MCM6: variants seen among roughly 807,000 people sequenced by gnomAD.
MCM6 encodes the protein minichromosome maintenance complex component 6.
MCM6 carries 46 observed loss-of-function variants against 94.3 expected under a neutral mutation model. The ratio of observed to expected loss-of-function variants is 0.49; its 90% CI spans 0.39 to 0.62. MCM6 has a LOEUF of 0.62. Among genes scored for constraint, MCM6 ranks in the 20% least tolerant of loss-of-function variants. The pLI, the probability that MCM6 is intolerant of heterozygous loss-of-function variation, is 0.00. For synonymous variants in MCM6, 335 were observed against 351.9 expected (o/e 0.95, Z 0.54); for missense variants, 865 against 1,017.9 (o/e 0.85, Z 2.04).
chr2:135,847,234 C>A (rs889590403), intron 14 of MCM6, among the ~76,000 whole-genome samples: 2 of 151,956 alleles, frequency 1.3e-5, no homozygotes, highest in African/African-American at 4.8e-5. Context: ...GGCAATATGG[C>A]GAGATCCTGT....
Position 135,848,111 on chromosome 2 carries a change from A to G in MCM6, c.1995T>C (p.Asn665=), listed in dbSNP as rs770179014. The change falls in exon 14 of 17, where the codon AAT becomes AAC. Residue 665 remains asparagine (N), a synonymous_variant. Transcript: ENST00000264156. ...TCTGGATCTCTTCCTCTTGATCTAG[A>G]TTGACATCAGGTGTTTCCACACGGA... ...SIIRVETPDV[N]LDQEEEIQME... The G allele has an allele frequency of 1.2e-6, 2 of 1,611,398 alleles. No individual in the cohort carries two copies. Among genetic ancestry groups the G allele is most frequent in the Non-Finnish European group, 1.7e-6 (2 of 1,177,676 alleles).
intron 5 of MCM6, 96 bp downstream of exon 5, chr2:135,866,467 G>T: frequency 1.4e-6 from 2 of 1,450,714 alleles, no homozygotes; most frequent in Non-Finnish European, 1.9e-6. Context: ...GCTTCTGATT[G>T]GTAGCCAAAA....
intron 12 of MCM6, 60 bp downstream of exon 12, chr2:135,852,727 A>G: frequency 8.4e-7 from 1 of 1,190,024 alleles, no homozygotes; most frequent in Non-Finnish European, 1.1e-6. Flanking sequence ...TAACACACTT[A>G]CTTAAATTCC....
intron 13 of MCM6, among the ~76,000 whole-genome samples, chr2:135,850,399 C>A (rs1482105212): frequency 2.0e-4 from 1 of 5,058 alleles, no homozygotes. Flanking sequence ...TATTTCATCA[C>A]CCACTCTATT....
intron 4 of MCM6, among the ~76,000 whole-genome samples, chr2:135,867,993 C>A (rs1402969651): frequency 6.6e-6 from 1 of 152,058 alleles, no homozygotes; most frequent in Non-Finnish European, 1.5e-5. Flanking sequence ...CGCCACTGCA[C>A]TCCAGCCTGG....
chr2:135,863,254 C>G (rs1680028421), intron 7 of MCM6, among the ~76,000 whole-genome samples: 1 of 152,126 alleles, frequency 6.6e-6, no homozygotes, highest in African/African-American at 2.4e-5. Context: ...ATGCTGAATG[C>G]AATTTACAGC....
At chr2:135,855,271 A>G (rs1334327663) in intron 11 of MCM6, among the ~76,000 whole-genome samples, 1 of 152,272 alleles carries the variant, frequency 6.6e-6, no homozygotes, top group Non-Finnish European at 1.5e-5. Context: ...TACTTTAATG[A>G]ATCATGAACA....
At chr2:135,873,745 G>A (rs1680246181) in intron 1 of MCM6, among the ~76,000 whole-genome samples, 1 of 152,314 alleles carries the variant, frequency 6.6e-6, no homozygotes, top group East Asian at 1.9e-4. Flanking sequence ...TAGGGAGTTA[G>A]ACATGTAAGC....
intron 1 of MCM6, 34 bp downstream of exon 1, chr2:135,876,225 A>AGGCGGGCGAGGCCCGG (rs1680294530): frequency 6.5e-7 from 1 of 1,526,934 alleles, no homozygotes; most frequent in Non-Finnish European, 8.8e-7. Flanking sequence ...CAGGCTCCGG[A>AGGCGGGCGAGGCCCGG]GGCGGGCGAG....
rs746134157 is a variant in MCM6 at position 135,866,549 on chromosome 2, C to T, written c.781+14G>A. The T allele has an allele frequency of 5.0e-6, 8 of 1,597,410 alleles. No homozygotes were observed. In the South Asian group the frequency reaches 8.0e-5, roughly 16 times the overall value. ...AACTGAGAATTTGTTAAATTTGAGCCACAGATTACTGACCTGGTGTGCTAA... is the reference window on the plus strand; with the variant it reads ...AACTGAGAATTTGTTAAATTTGAGCTACAGATTACTGACCTGGTGTGCTAA... On this transcript the variant is annotated intron_variant, in intron 5 of 16. Transcript: ENST00000264156.
intron 1 of MCM6, among the ~76,000 whole-genome samples, chr2:135,873,193 G>A (rs1025095266): frequency 1.3e-5 from 2 of 152,146 alleles, no homozygotes; most frequent in Non-Finnish European, 1.5e-5. Flanking sequence ...TGCCATCCAC[G>A]TAAGACATCA....
intron 11 of MCM6, among the ~76,000 whole-genome samples, chr2:135,855,340 T>A (rs1450637099): frequency 6.6e-6 from 1 of 152,060 alleles, no homozygotes; most frequent in Non-Finnish European, 1.5e-5. Context: ...ATGTCTCTCT[T>A]GTGAAGGGAA....
At chr2:135,865,426 A>T (rs1680076915) in intron 6 of MCM6, among the ~76,000 whole-genome samples, 2 of 152,234 alleles carry the variant, frequency 1.3e-5, no homozygotes, top group Admixed American at 1.3e-4. Context: ...GCAGAATGTT[A>T]ATCACTGACA....
intron 4 of MCM6, 87 bp downstream of exon 4, chr2:135,868,524 A>G: frequency 1.5e-6 from 2 of 1,371,560 alleles, no homozygotes; most frequent in Admixed American, 1.9e-5. Context: ...ATTGAGTTGA[A>G]CATTATCTAA....
At chr2:135,851,670 A>C in intron 12 of MCM6, 107 bp from the exon 13 acceptor site, 1 of 954,840 alleles carries the variant, frequency 1.0e-6, no homozygotes, top group Non-Finnish European at 1.4e-6. Flanking sequence ...GGAACCTGAG[A>C]GGGTTGAAAC....
intron 11 of MCM6, 105 bp downstream of exon 11, chr2:135,856,623 A>G: frequency 8.5e-7 from 1 of 1,183,410 alleles, no homozygotes; most frequent in South Asian, 1.7e-5. Context: ...AGGGAAATCA[A>G]AGGCTGGTGC....
Position 135,848,139 on chromosome 2 carries a change from A to C in MCM6, c.1967T>G (p.Ile656Ser). 6.2e-7 allele frequency: 1 copy of C among 1,611,592 alleles called. No individual in the cohort carries two copies. ...GACATCAGGTGTTTCCACACGGATG[A>C]TTGATTTATTCAGTAACCGGAAAGC... The part of the protein sequence containing the change: ...KEAFRLLNKS[I>S]IRVETPDVNL... The change falls in exon 14 of 17, where the codon ATC (isoleucine) becomes AGC (serine). Residue 656 changes from isoleucine (I) to serine (S), a missense_variant. Transcript: ENST00000264156.
chr2:135,842,269 T>C (rs1177585282), intron 16 of MCM6, among the ~76,000 whole-genome samples: 1 of 152,160 alleles, frequency 6.6e-6, no homozygotes, highest in East Asian at 1.9e-4. Context: ...AAAGCAACTC[T>C]GGACCCTGAT....
At chr2:135,868,527 TTATC>T (rs1274389760) in intron 4 of MCM6, 80 bp downstream of exon 4, 38 of 1,391,344 alleles carry the variant, frequency 2.7e-5, no homozygotes, top group Non-Finnish European at 3.7e-5. Flanking sequence ...GAGTTGAACA[TTATC>T]TAAATAAGCT....
Sources: allele counts gnomAD v4.1 joint callset (sites outside exome capture counted in the v4.1 genomes callset), GRCh38; gene constraint gnomAD v4.1.1; transcripts MANE v1.5; gene names NCBI Gene and HGNC (gene_info 2026-07-23, HGNC 2026-07-21).